The following CACNG4 variants were observed in gnomAD, a reference collection of about 807,000 sequenced individuals.
CACNG4 encodes the protein voltage-dependent calcium channel gamma-4 subunit.
CACNG4 carries 8 observed loss-of-function variants against 22.9 expected under a neutral mutation model. The observed-to-expected ratio is 0.35, with a 90% CI of 0.21 to 0.63. The LOEUF (loss-of-function observed/expected upper bound fraction) is 0.63. CACNG4 is among the 30% of genes least tolerant of loss of function. The pLI is 0.72. For missense variants in CACNG4, 357 were observed against 455.4 expected, an observed-to-expected ratio of 0.78 and a Z score of 1.97; for synonymous variants, 188 against 191.9, an observed-to-expected ratio of 0.98 and a Z score of 0.17.
chr17:67,012,786 C>T (rs995239553), intron 1 of CACNG4, among the ~76,000 whole-genome samples: 4 of 152,154 alleles, frequency 2.6e-5, no homozygotes, highest in South Asian at 2.1e-4. Flanking sequence ...CAGAGCTGGT[C>T]GCTCGCGGCA....
Position 67,031,910 on chromosome 17 carries a change from C to A in CACNG4, c.*906C>A, listed in dbSNP as rs1204465899. 3 of 456,710 alleles carry A rather than the reference C, an allele frequency of 6.6e-6. No individual in the cohort carries two copies. The highest frequency in any genetic ancestry group is 1.3e-5 in the Non-Finnish European group (3 of 226,990). 28.3% of individuals were successfully genotyped at this position (456,710 alleles called of 1,614,324 possible). ...GAGGTGGACAGACACCTCCCTCCAACTGGCATTTGGCAACAGGAGCCTGGA... is the reference window on the plus strand; with the variant it reads ...GAGGTGGACAGACACCTCCCTCCAAATGGCATTTGGCAACAGGAGCCTGGA... On this transcript the variant is annotated 3_prime_UTR_variant, in exon 4 of 4. Transcript: ENST00000262138. This position sits in a 1 kb window ranked among gnomAD's most constrained non-coding sequence, Gnocchi z 4.0.
chr17:67,027,952 G>A lies in CACNG4; in HGVS notation c.446-2514G>A, dbSNP rs1364256374. Among the ~76,000 whole-genome samples the A allele has an allele frequency of 5.3e-5, 8 of 151,972 alleles. No homozygotes were observed. The highest frequency in any genetic ancestry group is 2.1e-4 in the South Asian group (1 of 4,810). On this transcript the variant is annotated intron_variant, in intron 3 of 3. Coordinates refer to ENST00000262138, the MANE Select transcript of CACNG4 (RefSeq NM_014405.4). This position sits in a 1 kb window ranked among gnomAD's most constrained non-coding sequence, Gnocchi z 4.3. Reference sequence around the variant, plus strand: ...CGAGAATCACCTGAACCTGGGAGGCGGAGGTTGCAATGAGCTGAGATCACG... The same window carrying A: ...CGAGAATCACCTGAACCTGGGAGGCAGAGGTTGCAATGAGCTGAGATCACG...
chr17:66,997,865 C>T (rs1369693773), intron 1 of CACNG4, among the ~76,000 whole-genome samples: 14 of 152,068 alleles, frequency 9.2e-5, no homozygotes, highest in Non-Finnish European at 1.5e-5. Context: ...GCAGAGGTCA[C>T]CAACAGGAGC....
chr17:66,967,736 G>A (rs1181208616), intron 1 of CACNG4, among the ~76,000 whole-genome samples: 1 of 152,196 alleles, frequency 6.6e-6, no homozygotes, highest in Non-Finnish European at 1.5e-5. Context: ...GCAGCAGGCA[G>A]CTAATAAGAC....
chr17:67,016,238 A>C (rs3785583), intron 1 of CACNG4, among the ~76,000 whole-genome samples: 6,079 of 152,220 alleles, frequency 0.04, 301 homozygotes, highest in East Asian at 0.23. Flanking sequence ...ACAGATGAGG[A>C]GACCGAGGAG....
intron 1 of CACNG4, 79 bp downstream of exon 1, chr17:66,965,210 GCGCACACACACACA>G: frequency 1.3e-6 from 1 of 774,056 alleles, no homozygotes; most frequent in Non-Finnish European, 1.9e-6. Context: ...GCGCGCGCGC[GCGCACACACACACA>G]CGCGCACACA....
rs758752801 is a variant in CACNG4 at position 66,965,062 on chromosome 17, G to T, written c.151G>T (p.Gly51Trp). ...CGGCACCAACCTGACCATGGACGAC[G>T]GGCCCCCGCCCCGCCGCGCCCGCGG... is the stretch of plus-strand genomic sequence containing the variant. ...CNGTNLTMDD[G>W]PPPRRARGDL... Residue 51 changes from glycine (G) to tryptophan (W), a missense_variant, in exon 1 of 4, where the codon GGG becomes TGG. Around this residue, in one of 3 missense-constraint regions of CACNG4, gnomAD observed 114 missense variants for 161.6 expected, o/e 0.71. Transcript: ENST00000262138. 1.9e-6 allele frequency: 3 copies of T among 1,587,568 alleles called. No homozygotes were observed. The highest frequency in any genetic ancestry group is 1.1e-5 in the South Asian group (1 of 89,142).
chr17:66,969,664 A>T (rs1018152573), intron 1 of CACNG4, among the ~76,000 whole-genome samples: 1 of 152,078 alleles, frequency 6.6e-6, no homozygotes, highest in African/African-American at 2.4e-5. Context: ...ACAGCCATGG[A>T]TGTCTCCCAA....
rs150301909 is a variant in CACNG4 at position 67,031,424 on chromosome 17, C to T, written c.*420C>T. 547 of 462,182 alleles carry T rather than the reference C, an allele frequency of 1.2e-3. 1 individual carries two copies. The highest frequency in any genetic ancestry group is 4.5e-3 in the Middle Eastern group (14 of 3,102). The allele number at this position is 462,182 out of a possible 1,614,324, so 28.6% of individuals were successfully genotyped here. On this transcript the variant is annotated 3_prime_UTR_variant, in exon 4 of 4. Coordinates refer to ENST00000262138, the MANE Select transcript of CACNG4 (RefSeq NM_014405.4). The surrounding 1 kb of genome is among the most constrained non-coding windows in gnomAD (Gnocchi z 4.0). ...GTGTCGGGCCACCAGAAGGCTCTGC[C>T]GGACGCCAAGAAGACGGTCTCTGGG...
rs777376626 is a variant in CACNG4, at chr17:67,031,295, C to T, written c.*291C>T. 5 of 609,192 alleles carry T rather than the reference C, an allele frequency of 8.2e-6. No individual in the cohort carries two copies. The highest frequency in any genetic ancestry group is 2.1e-5 in the Admixed American group (1 of 47,068). The allele number at this position is 609,192 out of a possible 1,614,324, so 37.7% of individuals were successfully genotyped here. ...AAGCCCCAGAGCTTTCCTGAGGCTG[C>T]CTGGCCTTGATCAACTTGGGAAGAC... is the stretch of plus-strand genomic sequence containing the variant. On this transcript the variant is annotated 3_prime_UTR_variant, in exon 4 of 4. Transcript: ENST00000262138. This position sits in a 1 kb window ranked among gnomAD's most constrained non-coding sequence, Gnocchi z 4.0.
At chr17:66,969,991 T>A (rs575288830) in intron 1 of CACNG4, among the ~76,000 whole-genome samples, 1 of 152,252 alleles carries the variant, frequency 6.6e-6, no homozygotes, top group African/African-American at 2.4e-5. Flanking sequence ...ACGCGCTAAG[T>A]ACCACCGGCC....
chr17:67,022,480 C>CAGAGCCG (rs1367529242), intron 2 of CACNG4, among the ~76,000 whole-genome samples: 46 of 152,278 alleles, frequency 3.0e-4, no homozygotes, highest in African/African-American at 1.1e-3. Flanking sequence ...TCCCAGAGCC[C>CAGAGCCG]GCTGCTGCCA....
At chr17:66,981,169 C>T (rs2035270124) in intron 1 of CACNG4, among the ~76,000 whole-genome samples, 1 of 152,096 alleles carries the variant, frequency 6.6e-6, no homozygotes, top group Non-Finnish European at 1.5e-5. Context: ...CAGAATGTTA[C>T]CTTCTGTTCT....
Position 67,031,211 on chromosome 17 carries a change from T to C in CACNG4, c.*207T>C. ...GCTGCAGAAGAAGCTGAAGGCTGAC[T>C]TTGTCCCCTCCCCGAAAAAGGGTGT... is the stretch of plus-strand genomic sequence containing the variant. On this transcript the variant is annotated 3_prime_UTR_variant, in exon 4 of 4. Coordinates refer to ENST00000262138, the MANE Select transcript of CACNG4 (RefSeq NM_014405.4). This position sits in a 1 kb window ranked among gnomAD's most constrained non-coding sequence, Gnocchi z 4.0. 1.5e-6 allele frequency: 1 copy of C among 649,260 alleles called. No homozygotes were observed. Among genetic ancestry groups the C allele is most frequent in the Non-Finnish European group, 2.7e-6 (1 of 365,564 alleles). 40.2% of individuals were successfully genotyped at this position (649,260 alleles called of 1,614,324 possible).
At chr17:67,025,490 T>C (rs2035558694) in intron 3 of CACNG4, among the ~76,000 whole-genome samples, 1 of 152,210 alleles carries the variant, frequency 6.6e-6, no homozygotes, top group African/African-American at 2.4e-5. Context: ...GGAATGGGCA[T>C]GAGTGGCCGT....
intron 1 of CACNG4, among the ~76,000 whole-genome samples, chr17:66,966,413 C>G (rs1567747797): frequency 6.6e-6 from 1 of 152,110 alleles, no homozygotes; most frequent in Admixed American, 6.5e-5. Flanking sequence ...CTCGGTTGTT[C>G]GGGAAGTTCT....
chr17:66,991,848 G>T (rs2035342209), intron 1 of CACNG4, among the ~76,000 whole-genome samples: 3 of 152,184 alleles, frequency 2.0e-5, no homozygotes, highest in Admixed American at 2.0e-4. Context: ...GAGGTGTGAA[G>T]GCAGGATCTG....
chr17:67,028,674 A>G (rs2035583689), intron 3 of CACNG4, among the ~76,000 whole-genome samples: 1 of 152,194 alleles, frequency 6.6e-6, no homozygotes, highest in Non-Finnish European at 1.5e-5. Flanking sequence ...TAATCCTCAC[A>G]CCAGCCCAGT....
chr17:66,984,364 C>T lies in CACNG4; in HGVS notation c.220+19233C>T, dbSNP rs1188802312. On this transcript the variant is annotated intron_variant, in intron 1 of 3. Coordinates refer to ENST00000262138, the MANE Select transcript of CACNG4 (RefSeq NM_014405.4). This position sits in a 1 kb window ranked among gnomAD's most constrained non-coding sequence, Gnocchi z 4.0. ...CTCCAGCTCTGGGCAATAAGCAAGA[C>T]CCTGTCTCAAAACAAAAACAAAAAA... 6.6e-6 allele frequency among the ~76,000 whole-genome samples: 1 copy of T among 152,138 alleles called. No individual in the cohort carries two copies. Among genetic ancestry groups the T allele is most frequent in the African/African-American group, 2.4e-5 (1 of 41,428 alleles).
Sources: gnomAD v4.1 joint callset for allele counts (sites outside exome capture counted in the v4.1 genomes callset) on GRCh38, gnomAD v4.1.1 for gene constraint, gnomAD v4.1.1 regional missense constraint, Gnocchi (gnomAD v3.1) non-coding constraint, MANE v1.5 for transcripts, NCBI Gene and HGNC (gene_info 2026-07-23, HGNC 2026-07-21) for gene names.